The following CORO6 variants were observed in gnomAD, a reference collection of about 807,000 sequenced individuals.
The protein encoded by CORO6 is coronin 6, also known as coronin-6.
A neutral mutation model predicts 49.0 loss-of-function variants in CORO6; 43 were observed. The ratio of observed to expected loss-of-function variants is 0.88; its 90% CI spans 0.69 to 1.13. The LOEUF is 1.13. Ranked by LOEUF, CORO6 falls within the 50% of genes most tolerant of loss-of-function variation. The probability of loss-of-function intolerance (pLI) is 0.00; values close to 1 mark genes in which losing one functional copy is unlikely to be tolerated. For missense variants in CORO6, 650 were observed against 647.0 expected (o/e 1.00, Z -0.05); for synonymous variants, 233 against 256.5 (o/e 0.91, Z 0.88).
rs373980692 is a variant in CORO6, at chr17:29,618,787, C to T, written c.633+3G>A. 6.2e-7 allele frequency: 1 copy of T among 1,612,844 alleles called. No individual in the cohort carries two copies. The highest frequency in any genetic ancestry group is 1.3e-5 in the African/African-American group (1 of 74,890). On this transcript the variant is annotated splice_donor_region_variant and intron_variant, in intron 5 of 10. Coordinates refer to ENST00000388767, the MANE Select transcript of CORO6 (RefSeq NM_032854.4). Reference sequence around the variant, plus strand: ...CTGGGGAGTGGCCAGGCCAGGCACTCACCGCCACCACTTGGCCTTTTCTGG... The same window carrying T: ...CTGGGGAGTGGCCAGGCCAGGCACTTACCGCCACCACTTGGCCTTTTCTGG...
Position 29,616,894 on chromosome 17 carries a change from C to T in CORO6, c.858+44G>A, listed in dbSNP as rs1311161179. ...GGGCGCGCCCGGACAAGGCCCTCCA[C>T]ATCTCCATCCAGTGCCCTGTTCTCC... On this transcript the variant is annotated intron_variant, in intron 7 of 10. Coordinates refer to ENST00000388767, the MANE Select transcript of CORO6 (RefSeq NM_032854.4). This position sits in a 1 kb window ranked among gnomAD's most constrained non-coding sequence, Gnocchi z 5.6. 5.0e-6 allele frequency: 8 copies of T among 1,613,500 alleles called. No individual in the cohort carries two copies. The highest frequency in any genetic ancestry group is 1.3e-5 in the African/African-American group (1 of 75,052).
At position 29,621,902 on chromosome 17, in the gene CORO6, TG is replaced by T. The variant is rs2150942766; in HGVS notation, c.-63-419del. ...TTGGATCTTGGCTTAAAGCCAGGTA[TG>T]GGGCCAAGACTGCAGCCACCACAGG... On this transcript the variant is annotated intron_variant, in intron 1 of 10. Coordinates refer to ENST00000388767, the MANE Select transcript of CORO6 (RefSeq NM_032854.4). This position sits in a 1 kb window ranked among gnomAD's most constrained non-coding sequence, Gnocchi z 4.2. 1 of 183,694 alleles carries T rather than the reference TG, an allele frequency of 5.4e-6. No homozygotes were observed. The highest frequency in any genetic ancestry group is 1.2e-5 in the Non-Finnish European group (1 of 85,342). The allele number at this position is 183,694 out of a possible 1,614,324, so 11.4% of individuals were successfully genotyped here. A position where few individuals can be genotyped will look rare whatever the true frequency, so the allele number is the denominator to read the frequency against.
chr17:29,620,259 T>C (rs889085871), intron 2 of CORO6, among the ~76,000 whole-genome samples: 3 of 152,258 alleles, frequency 2.0e-5, no homozygotes, highest in African/African-American at 4.8e-5. Context: ...TGGTGCCTAC[T>C]ATCCCCAAAT....
Position 29,616,147 on chromosome 17 carries a change from G to A in CORO6, c.1091C>T (p.Pro364Leu), listed in dbSNP as rs564508984. The change falls in exon 10 of 11, where the codon CCG becomes CTG. Residue 364 changes from proline to leucine, a missense_variant. Coordinates refer to ENST00000388767, the MANE Select transcript of CORO6 (RefSeq NM_032854.4). The surrounding 1 kb of genome is among the most constrained non-coding windows in gnomAD (Gnocchi z 5.6). ...GGCCGGCTCCGGGCCTGGCGTATCC[G>A]GGTACAGATCGTCCTGGAAGAGGTC... is the stretch of plus-strand genomic sequence containing the variant. The part of the protein sequence containing the change: ...KSDLFQDDLY[P>L]DTPGPEPALE... The A allele has an allele frequency of 7.4e-6, 12 of 1,613,416 alleles. No homozygotes were observed. The East Asian group carries it at 2.2e-4, about 30-fold the overall frequency.
At chr17:29,619,337 C>A in intron 3 of CORO6, 148 bp from the exon 4 acceptor site, 1 of 1,027,814 alleles carries the variant, frequency 9.7e-7, no homozygotes, top group Non-Finnish European at 1.4e-6. Flanking sequence ...ATGCCTAGAA[C>A]AGAAGCAGCT....
At position 29,615,680 on chromosome 17, in the gene CORO6, G is replaced by T; in HGVS notation, c.*52C>A. 2.1e-6 allele frequency: 3 copies of T among 1,441,988 alleles called. No homozygotes were observed. The highest frequency in any genetic ancestry group is 2.7e-6 in the Non-Finnish European group (3 of 1,100,908). 89.3% of individuals were successfully genotyped at this position (1,441,988 alleles called of 1,614,324 possible). ...CCGGAGTTCGGGACTAAAAGCCGGG[G>T]CGGGGCCGAGCTTGTGCGCCCCGCC... On this transcript the variant is annotated 3_prime_UTR_variant, in exon 11 of 11. Coordinates refer to ENST00000388767, the MANE Select transcript of CORO6 (RefSeq NM_032854.4).
chr17:29,617,126 T>C (rs2035000664), intron 6 of CORO6, 84 bp from the exon 7 acceptor site: 1 of 1,580,056 alleles, frequency 6.3e-7, no homozygotes, highest in African/African-American at 1.3e-5. Context: ...TTACGCTTCC[T>C]GGCCTTCCCA....
In CORO6 at chr17:29,617,486, T is replaced by C; in HGVS notation, c.753+14A>G. The C allele has an allele frequency of 6.2e-7, 1 of 1,602,664 alleles. No individual in the cohort carries two copies. The highest frequency in any genetic ancestry group is 8.5e-7 in the Non-Finnish European group (1 of 1,176,764). On this transcript the variant is annotated intron_variant, in intron 6 of 10. Coordinates refer to ENST00000388767, the MANE Select transcript of CORO6 (RefSeq NM_032854.4). Reference sequence around the variant, plus strand: ...GTCCCCGAGGCACACACCCCAAGCCTCCAGCTGCGTTACCGGGTCCCACAG... The same window carrying C: ...GTCCCCGAGGCACACACCCCAAGCCCCCAGCTGCGTTACCGGGTCCCACAG...
chr17:29,617,108 A>C, intron 6 of CORO6, 66 bp from the exon 7 acceptor site: 1 of 1,591,094 alleles, frequency 6.3e-7, no homozygotes, highest in Non-Finnish European at 8.6e-7. Flanking sequence ...GGACCCCCAG[A>C]AGCCCCTTTA....
chr17:29,618,250 G>A (rs975817252), intron 5 of CORO6: 16 of 1,306,322 alleles, frequency 1.2e-5, no homozygotes, highest in African/African-American at 1.5e-5. Context: ...AGACATGCAC[G>A]CGGCCCACGC....
Position 29,616,680 on chromosome 17 carries a change from A to C in CORO6, c.1004+22T>G. ...GGGGGACAGAGGCGGGTAGGTGTTC[A>C]GGAGGGGCCAAGGCTGCTGACCGGG... is the stretch of plus-strand genomic sequence containing the variant. On this transcript the variant is annotated intron_variant, in intron 8 of 10. Coordinates refer to ENST00000388767, the MANE Select transcript of CORO6 (RefSeq NM_032854.4). The surrounding 1 kb of genome is among the most constrained non-coding windows in gnomAD (Gnocchi z 5.6). The C allele has an allele frequency of 6.2e-7, 1 of 1,602,832 alleles. No individual in the cohort carries two copies. Among genetic ancestry groups the C allele is most frequent in the Non-Finnish European group, 8.5e-7 (1 of 1,171,354 alleles).
intron 3 of CORO6, 91 bp downstream of exon 3, chr17:29,619,560 A>C: frequency 7.6e-7 from 1 of 1,324,400 alleles, no homozygotes; most frequent in East Asian, 2.3e-5. Flanking sequence ...CACCTCCCTT[A>C]TTACCACCCT....
chr17:29,620,710 C>T (rs989276680), intron 2 of CORO6, among the ~76,000 whole-genome samples: 12 of 152,130 alleles, frequency 7.9e-5, no homozygotes, highest in Non-Finnish European at 1.8e-4. Context: ...TGTGTCATGT[C>T]CCCCTTCCTT....
At position 29,615,952 on chromosome 17, in the gene CORO6, G is replaced by T; in HGVS notation, c.1286C>A (p.Pro429His). ...CAGCAGGGCCGATCTTACCGACAAG[G>T]GGGCGTCGCTGGCCGACTGGCTGCG... ...PRRSQSASDA[P>H]LSQQHTLETL... Residue 429 changes from proline to histidine, a missense_variant, in exon 10 of 11, where the codon CCC (proline) becomes CAC (histidine). Transcript: ENST00000388767. 6.3e-7 allele frequency: 1 copy of T among 1,582,260 alleles called. No homozygotes were observed.
At position 29,616,025 on chromosome 17, in the gene CORO6, C is replaced by T; in HGVS notation, c.1213G>A (p.Val405Ile). 1.2e-6 allele frequency: 2 copies of T among 1,608,294 alleles called. No individual in the cohort carries two copies. The highest frequency in any genetic ancestry group is 1.1e-5 in the South Asian group (1 of 90,544). Residue 405 changes from valine to isoleucine, a missense_variant, in exon 10 of 11, where the codon GTC (valine) becomes ATC (isoleucine). By Grantham distance (29) the Val-to-Ile change is conservative. Transcript: ENST00000388767. This position sits in a 1 kb window ranked among gnomAD's most constrained non-coding sequence, Gnocchi z 5.6. Reference sequence around the variant, plus strand: ...ACGTCCAGGATGTTGCGCTTCGTGACCCGGAGCTCGCGGTGCTTGGGGGGC... The same window carrying T: ...ACGTCCAGGATGTTGCGCTTCGTGATCCGGAGCTCGCGGTGCTTGGGGGGC... The part of the protein sequence containing the change: ...YVPPKHRELR[V>I]TKRNILDVRP...
Position 29,616,890 on chromosome 17 carries a change from T to C in CORO6, c.859-43A>G. 1 of 1,613,288 alleles carries C rather than the reference T, an allele frequency of 6.2e-7. No homozygotes were observed. Among genetic ancestry groups the C allele is most frequent in the Non-Finnish European group, 8.5e-7 (1 of 1,179,782 alleles). On this transcript the variant is annotated intron_variant, in intron 7 of 10. Coordinates refer to ENST00000388767, the MANE Select transcript of CORO6 (RefSeq NM_032854.4). The surrounding 1 kb of genome is among the most constrained non-coding windows in gnomAD (Gnocchi z 5.6). ...TCAGGGGCGCGCCCGGACAAGGCCC[T>C]CCACATCTCCATCCAGTGCCCTGTT...
intron 5 of CORO6, 151 bp downstream of exon 5, chr17:29,618,639 T>C: frequency 7.0e-7 from 1 of 1,435,742 alleles, no homozygotes; most frequent in Non-Finnish European, 9.1e-7. Flanking sequence ...AGACCTGTGG[T>C]TGCAGAGACG....
chr17:29,618,130 C>T (rs992038941), intron 5 of CORO6: 5 of 1,415,180 alleles, frequency 3.5e-6, no homozygotes, highest in Non-Finnish European at 4.6e-6. Context: ...GAAGACAGCC[C>T]GCAGCGGGCG....
chr17:29,617,546 G>A lies in CORO6; in HGVS notation c.707C>T (p.Thr236Met), dbSNP rs775414694. 1.2e-6 allele frequency: 2 copies of A among 1,611,310 alleles called. No homozygotes were observed. Among genetic ancestry groups the A allele is most frequent in the Non-Finnish European group, 1.7e-6 (2 of 1,179,682 alleles). ...VFTRQGHIFT[T>M]GFTRMSQREL... Reference sequence around the variant, plus strand: ...TCGCTGGCTCATGCGGGTGAAGCCCGTGGTGAAGATATGGCCCTGGCGCGT... The same window carrying A: ...TCGCTGGCTCATGCGGGTGAAGCCCATGGTGAAGATATGGCCCTGGCGCGT... Residue 236 changes from threonine to methionine, a missense_variant, in exon 6 of 11, where the codon ACG becomes ATG. Coordinates refer to ENST00000388767, the MANE Select transcript of CORO6 (RefSeq NM_032854.4).
Sources: gnomAD v4.1 joint callset for allele counts (sites outside exome capture counted in the v4.1 genomes callset) on GRCh38, gnomAD v4.1.1 for gene constraint, Gnocchi (gnomAD v3.1) non-coding constraint, MANE v1.5 for transcripts, NCBI Gene and HGNC (gene_info 2026-07-23, HGNC 2026-07-21) for gene names.